Variants in GCA observed in about 807,000 individuals in gnomAD.
GCA encodes grancalcin, EF-hand calcium-binding protein.
A neutral mutation model predicts 32.6 loss-of-function variants in GCA; 30 were observed. The ratio of observed to expected loss-of-function variants is 0.92; its 90% CI spans 0.69 to 1.25. GCA has a LOEUF of 1.25. GCA is among the 50% of genes most tolerant of loss of function. The pLI is 0.00. For synonymous variants in GCA, 102 were observed against 84.6 expected (o/e 1.21, Z -1.13); for missense variants, 291 against 266.8 (o/e 1.09, Z -0.63).
Position 162,360,919 on chromosome 2 carries a change from A to T in GCA, c.*676A>T. The T allele has an allele frequency of 8.7e-7, 1 of 1,152,796 alleles. No individual in the cohort carries two copies. Among genetic ancestry groups the T allele is most frequent in the Non-Finnish European group, 1.1e-6 (1 of 931,350 alleles). 71.4% of individuals were successfully genotyped at this position (1,152,796 alleles called of 1,614,324 possible). ...TCTAAGCAAAAAGTTCTTAATAAAC[A>T]TAGTATTTCTCTCTGCGTCCTATTT... On this transcript the variant is annotated 3_prime_UTR_variant, in exon 8 of 8. Transcript: ENST00000437150.
Position 162,359,064 on chromosome 2 carries a change from A to C in GCA, c.475A>C (p.Thr159Pro). The C allele has an allele frequency of 6.3e-7, 1 of 1,578,880 alleles. No homozygotes were observed. The highest frequency in any genetic ancestry group is 8.7e-7 in the Non-Finnish European group (1 of 1,150,408). ...GLMGYRLSPQ[T>P]LTTIVKRYSK... is the part of the protein sequence containing the mutation. Reference sequence around the variant, plus strand: ...TTTAGGTTATAGGTTGAGTCCTCAAACATTAACTACTATTGTTAAACGTTA... The same window carrying C: ...TTTAGGTTATAGGTTGAGTCCTCAACCATTAACTACTATTGTTAAACGTTA... The change falls in exon 6 of 8, where the codon ACA becomes CCA. Residue 159 changes from threonine to proline, a missense_variant. Transcript: ENST00000437150.
At chr2:162,348,609 G>T (rs1684830887) in intron 2 of GCA, among the ~76,000 whole-genome samples, 1 of 152,120 alleles carries the variant, frequency 6.6e-6, no homozygotes, top group Non-Finnish European at 1.5e-5. Context: ...TTAAAGGACT[G>T]ACTTTATTAT....
At chr2:162,374,520 C>T (rs1686090999), downstream of GCA, among the ~76,000 whole-genome samples, 2 of 152,046 alleles carry the variant, frequency 1.3e-5, no homozygotes, top group Admixed American at 1.3e-4. Context: ...TTAGAAAATT[C>T]TTCTAACTCT....
downstream of GCA, among the ~76,000 whole-genome samples, chr2:162,367,185 G>T (rs1410609395): frequency 6.6e-6 from 1 of 151,876 alleles, no homozygotes; most frequent in Non-Finnish European, 1.5e-5. Context: ...AATGGAGAAG[G>T]TAGAATTTGA....
rs915747090 is a variant in GCA, at chr2:162,369,197, G to A, written c.366-2109G>A. On this transcript the variant is annotated intron_variant, in intron 4 of 4. Transcript: ENST00000414723. The stretch of plus-strand genomic sequence containing the variant: ...CTGTTTTTGCAATAGCCAACAGGGG[G>A]GATGATGGTACATTTAGGCATTAGA... Among the ~76,000 whole-genome samples the A allele has an allele frequency of 3.9e-5, 6 of 152,140 alleles. No individual in the cohort carries two copies. The East Asian group carries it at 1.2e-3, about 30-fold the overall frequency.
chr2:162,373,568 C>T (rs751644526), downstream of GCA: 2 of 1,595,448 alleles, frequency 1.3e-6, no homozygotes, highest in South Asian at 2.3e-5. Context: ...TCTGATCCTG[C>T]TGTTACCATA....
At position 162,360,956 on chromosome 2, in the gene GCA, A is replaced by G. The variant is rs1450074784; in HGVS notation, c.*713A>G. ...TCTGCGTCCTATTTCATTAGTGAAGACATAGTTCACCTAAAATGGCATCCT... is the reference window on the plus strand; with the variant it reads ...TCTGCGTCCTATTTCATTAGTGAAGGCATAGTTCACCTAAAATGGCATCCT... On this transcript the variant is annotated 3_prime_UTR_variant, in exon 8 of 8. Transcript: ENST00000437150. 2 of 1,133,066 alleles carry G rather than the reference A, an allele frequency of 1.8e-6. No individual in the cohort carries two copies. The highest frequency in any genetic ancestry group is 1.6e-5 in the African/African-American group (1 of 62,366). The allele number at this position is 1,133,066 out of a possible 1,614,324, so 70.2% of individuals were successfully genotyped here.
chr2:162,375,035 T>C (rs1037575431), downstream of GCA, among the ~76,000 whole-genome samples: 1 of 152,196 alleles, frequency 6.6e-6, no homozygotes. Flanking sequence ...TATTTTTCTT[T>C]CATTTCACTC....
At chr2:162,343,486 A>G (rs972712959), upstream of GCA, among the ~76,000 whole-genome samples, 4 of 152,234 alleles carry the variant, frequency 2.6e-5, no homozygotes, top group Non-Finnish European at 4.4e-5. Flanking sequence ...TACTTACACT[A>G]AAAAAGTTTA....
intron 5 of GCA, 145 bp from the exon 6 acceptor site, chr2:162,358,899 T>C (rs1458023283): frequency 3.9e-6 from 2 of 506,538 alleles, no homozygotes; most frequent in East Asian, 6.5e-5. Context: ...CTTTGTCTGA[T>C]GAATTTCAAT....
Position 162,361,197 on chromosome 2 carries a change from A to G in GCA, c.*954A>G. Reference sequence around the variant, plus strand: ...GTGGCTTTGCCATTAAAAACCCAGTAAGTATTTTGAGTGCATCTATGTGAT... The same window carrying G: ...GTGGCTTTGCCATTAAAAACCCAGTGAGTATTTTGAGTGCATCTATGTGAT... On this transcript the variant is annotated 3_prime_UTR_variant, in exon 8 of 8. Transcript: ENST00000437150. The G allele has an allele frequency of 1.0e-6, 1 of 985,014 alleles. No homozygotes were observed. Among genetic ancestry groups the G allele is most frequent in the Non-Finnish European group, 1.2e-6 (1 of 829,678 alleles). 61.0% of individuals were successfully genotyped at this position (985,014 alleles called of 1,614,324 possible).
chr2:162,352,627 T>C (rs1164282899), intron 3 of GCA, among the ~76,000 whole-genome samples: 2 of 152,226 alleles, frequency 1.3e-5, no homozygotes, highest in Non-Finnish European at 2.9e-5. Context: ...CTTTTGACTT[T>C]TAAAAATCTG....
chr2:162,350,394 C>G (rs1229963863), intron 2 of GCA, among the ~76,000 whole-genome samples: 1 of 152,156 alleles, frequency 6.6e-6, no homozygotes, highest in African/African-American at 2.4e-5. Flanking sequence ...CAGCCCTGTT[C>G]TGCCTAGCCT....
downstream of GCA, among the ~76,000 whole-genome samples, chr2:162,366,352 T>C (rs1268435963): frequency 5.3e-5 from 8 of 152,008 alleles, 1 homozygote; most frequent in East Asian, 1.6e-3. Flanking sequence ...GTTCTTAACA[T>C]TGCATTTCTA....
rs1357108822 is a variant in GCA, at chr2:162,363,031, ATTTC to A, written c.*2792_*2795del. Among the ~76,000 whole-genome samples, 1 of 151,426 alleles carries A rather than the reference ATTTC, an allele frequency of 6.6e-6. No homozygotes were observed. The highest frequency in any genetic ancestry group is 2.4e-5 in the African/African-American group (1 of 41,360). ...AATAACAAAAAATCAATTTGTGATTATTTCTTTAAGTAAAATATAAGACATTAAG... is the reference window on the plus strand; with the variant it reads ...AATAACAAAAAATCAATTTGTGATTATTTAAGTAAAATATAAGACATTAAG... On this transcript the variant is annotated 3_prime_UTR_variant, in exon 8 of 8. Transcript: ENST00000437150.
At chr2:162,342,219 C>T (rs372842334), upstream of GCA, among the ~76,000 whole-genome samples, 17 of 152,270 alleles carry the variant, frequency 1.1e-4, no homozygotes, top group African/African-American at 3.8e-4. Flanking sequence ...TCAAAGTCCT[C>T]CTCTGCATCT....
intron 7 of GCA, 97 bp downstream of exon 7, chr2:162,359,649 A>G: frequency 1.8e-6 from 1 of 565,260 alleles, no homozygotes; most frequent in Non-Finnish European, 3.2e-6. Flanking sequence ...TGGAAATAAT[A>G]TATTTGGTAT....
intron 1 of GCA, chr2:162,346,715 T>C (rs987255531): frequency 6.6e-6 from 1 of 152,242 alleles, no homozygotes; most frequent in Non-Finnish European, 1.5e-5. Flanking sequence ...AGTTGTCCTC[T>C]TGACAGTTTC....
chr2:162,368,551 A>T (rs1280756853), intron 4 of GCA, among the ~76,000 whole-genome samples: 2 of 151,970 alleles, frequency 1.3e-5, no homozygotes, highest in African/African-American at 2.4e-5. Context: ...ACAATATATG[A>T]TGGGGTTTTA....
Sources: gnomAD v4.1 joint callset for allele counts (sites outside exome capture counted in the v4.1 genomes callset) on GRCh38, gnomAD v4.1.1 for gene constraint, MANE v1.5 for transcripts, NCBI Gene and HGNC (gene_info 2026-07-23, HGNC 2026-07-21) for gene names.